Variants in KANK1 observed in about 807,000 individuals in gnomAD.
KANK1 encodes KN motif and ankyrin repeat domains 1.
KANK1 carries 109 observed loss-of-function variants against 106.2 expected under a neutral mutation model. That is an observed-to-expected ratio of 1.03 (90% CI 0.88 to 1.20). KANK1 has a LOEUF of 1.20. Ranked by LOEUF, KANK1 falls within the 50% of genes most tolerant of loss-of-function variation. The pLI is 0.00. For synonymous variants in KANK1, 873 were observed against 652.2 expected (o/e 1.34, Z -5.16); for missense variants, 2,399 against 1,710.7 (o/e 1.40, Z -7.10).
chr9:604,805 G>A (rs528780143), intron 1 of KANK1, among the ~76,000 whole-genome samples: 23 of 151,968 alleles, frequency 1.5e-4, no homozygotes, highest in African/African-American at 5.3e-4. Context: ...ACTTCAGCCT[G>A]TGTAACAGAG....
chr9:632,852 G>A (rs1057303516), intron 1 of KANK1, among the ~76,000 whole-genome samples: 4 of 152,018 alleles, frequency 2.6e-5, no homozygotes, highest in African/African-American at 4.8e-5. Context: ...ACCGCACCCG[G>A]CTAATTTTTT....
intron 1 of KANK1, among the ~76,000 whole-genome samples, chr9:605,665 A>C (rs910740104): frequency 1.3e-5 from 2 of 151,796 alleles, no homozygotes; most frequent in Non-Finnish European, 2.9e-5. Context: ...TGTGAGTGCC[A>C]TGCCATAGCA....
At chr9:644,626 AC>A (rs1839248312) in intron 1 of KANK1, among the ~76,000 whole-genome samples, 1 of 150,640 alleles carries the variant, frequency 6.6e-6, no homozygotes, top group Non-Finnish European at 1.5e-5. Flanking sequence ...CCAGAACAGC[AC>A]CCAGGGGATG....
At chr9:695,597 C>A (rs1821053632) in intron 2 of KANK1, among the ~76,000 whole-genome samples, 1 of 150,552 alleles carries the variant, frequency 6.6e-6, no homozygotes, top group African/African-American at 2.5e-5. Context: ...ATACCTTAAA[C>A]CCTGACTTCG....
intron 3 of KANK1, among the ~76,000 whole-genome samples, chr9:718,269 A>G (rs1467308171): frequency 3.5e-5 from 5 of 144,818 alleles, no homozygotes; most frequent in Admixed American, 1.4e-4. Context: ...CTGACCTCTC[A>G]TACTGGCTGT....
In KANK1 at chr9:712,171, A is replaced by G; in HGVS notation, c.1405A>G (p.Ile469Val). The change falls in exon 3 of 12, where the codon ATC (isoleucine) becomes GTC (valine). Residue 469 changes from isoleucine to valine, a missense_variant. Transcript: ENST00000382297. Reference protein sequence around the residue: ...QQTIESLKEKIYRLEVQLRET... With the variant: ...QQTIESLKEKVYRLEVQLRET... ...GACCATAGAATCCTTGAAGGAAAAG[A>G]TCTATCGCCTAGAAGTACAGCTTAG... 1 of 1,614,116 alleles carries G rather than the reference A, an allele frequency of 6.2e-7. No individual in the cohort carries two copies. The highest frequency in any genetic ancestry group is 1.1e-5 in the South Asian group (1 of 91,082).
intron 1 of KANK1, among the ~76,000 whole-genome samples, chr9:530,955 CAATAA>C (rs1255177949): frequency 5.3e-5 from 8 of 151,918 alleles, no homozygotes; most frequent in Admixed American, 3.9e-4. Flanking sequence ...GACAACATCT[CAATAA>C]AATAAAATAA....
At chr9:700,744 A>G (rs1822457525) in intron 2 of KANK1, among the ~76,000 whole-genome samples, 1 of 152,212 alleles carries the variant, frequency 6.6e-6, no homozygotes, top group South Asian at 2.1e-4. Context: ...CAGTTTCAAC[A>G]GTCAGGTGTG....
At chr9:484,300 C>T (rs1351754973) in intron 3 of KANK1, 1 of 152,204 alleles carries the variant, frequency 6.6e-6, no homozygotes, top group Admixed American at 6.5e-5. Context: ...TGTGGCCTCA[C>T]CTAACTTCTC....
intron 2 of KANK1, among the ~76,000 whole-genome samples, chr9:685,160 G>A (rs960195514): frequency 3.9e-5 from 6 of 152,158 alleles, no homozygotes; most frequent in Non-Finnish European, 5.9e-5. Context: ...GCCTGGTTCT[G>A]CTTTTGAGCT....
At chr9:567,994 G>T (rs1198463976) in intron 1 of KANK1, among the ~76,000 whole-genome samples, 4 of 147,150 alleles carry the variant, frequency 2.7e-5, no homozygotes, top group African/African-American at 9.9e-5. Context: ...GGCATTGTTG[G>T]TTTTTTTTTT....
intron 1 of KANK1, among the ~76,000 whole-genome samples, chr9:543,401 CA>C (rs199756254): frequency 6.7e-6 from 1 of 149,804 alleles, no homozygotes; most frequent in African/African-American, 2.4e-5. Context: ...ATTAAAACTA[CA>C]AAAAAAAATA....
chr9:519,387 T>C (rs2059445967), intron 1 of KANK1, among the ~76,000 whole-genome samples: 1 of 151,792 alleles, frequency 6.6e-6, no homozygotes, highest in Non-Finnish European at 1.5e-5. Flanking sequence ...AATTAAGTTT[T>C]TAATTCTTGT....
chr9:707,078 G>T, intron 2 of KANK1: 1 of 985,452 alleles, frequency 1.0e-6, no homozygotes, highest in Non-Finnish European at 1.2e-6. Context: ...AGACCTCGCC[G>T]GTGAAAGCTC....
intron 1 of KANK1, among the ~76,000 whole-genome samples, chr9:514,471 G>A (rs2059194366): frequency 6.7e-6 from 1 of 150,236 alleles, no homozygotes; most frequent in South Asian, 2.1e-4. Flanking sequence ...TCCCCTTCTA[G>A]TCACAACTCT....
chr9:674,954 G>A (rs10758802), intron 1 of KANK1, among the ~76,000 whole-genome samples: 1 of 151,864 alleles, frequency 6.6e-6, no homozygotes, highest in African/African-American at 2.4e-5. Context: ...ATCTGCCTGC[G>A]TCAGCCTCCC....
At chr9:579,441 G>C (rs925459654) in intron 1 of KANK1, among the ~76,000 whole-genome samples, 5 of 152,170 alleles carry the variant, frequency 3.3e-5, no homozygotes, top group African/African-American at 1.2e-4. Flanking sequence ...CTCTGTCTCT[G>C]TGTGTTGTCC....
chr9:598,671 C>T (rs1435150053), intron 1 of KANK1, among the ~76,000 whole-genome samples: 1 of 110,582 alleles, frequency 9.0e-6, no homozygotes, highest in East Asian at 3.0e-4. Context: ...CATTCTGTTG[C>T]CCAGGCTGGA....
chr9:589,662 G>GA (rs1824354110), intron 1 of KANK1, among the ~76,000 whole-genome samples: 1 of 152,070 alleles, frequency 6.6e-6, no homozygotes, highest in Admixed American at 6.5e-5. Flanking sequence ...GGAGGGAGGA[G>GA]ATGGAGCAAG....
Sources: allele counts gnomAD v4.1 joint callset (sites outside exome capture counted in the v4.1 genomes callset), GRCh38; gene constraint gnomAD v4.1.1; transcripts MANE v1.5; gene names NCBI Gene and HGNC (gene_info 2026-07-23, HGNC 2026-07-21).